ABCA12: variants seen among roughly 807,000 people sequenced by gnomAD.
The protein encoded by ABCA12 is glucosylceramide transporter ABCA12.
Under a neutral mutation model 293.5 loss-of-function variants are expected in ABCA12, and 156 were observed. That is an observed-to-expected ratio of 0.53 (90% CI 0.47 to 0.61). The LOEUF is 0.61. ABCA12 is among the 20% of genes least tolerant of loss of function. The pLI, the probability that ABCA12 is intolerant of heterozygous loss-of-function variation, is 0.00. For missense variants in ABCA12, 2,797 were observed against 3,090.2 expected, an observed-to-expected ratio of 0.91 and a Z score of 2.25; for synonymous variants, 1,063 against 1,108.0, an observed-to-expected ratio of 0.96 and a Z score of 0.81.
chr2:215,054,041 A>G (rs1701371654), intron 4 of ABCA12, among the ~76,000 whole-genome samples: 1 of 152,080 alleles, frequency 6.6e-6, no homozygotes, highest in Admixed American at 6.6e-5. Context: ...AAGCAAGTCC[A>G]CAGTCACACT....
Position 215,031,855 on chromosome 2 carries a change from C to T in ABCA12, c.1027G>A (p.Gly343Arg). 6.2e-7 allele frequency: 1 copy of T among 1,613,940 alleles called. No homozygotes were observed. Among genetic ancestry groups the T allele is most frequent in the Non-Finnish European group, 8.5e-7 (1 of 1,179,942 alleles). The stretch of plus-strand genomic sequence containing the variant: ...AGACTGCTTGGAGATAAGGTCTGTC[C>T]ATCATCCTCATTCCACACATGCGTT... ...NITHVWNEDD[G>R]QTLSPSSLAA... The change falls in exon 9 of 53, where the codon GGA becomes AGA. Residue 343 changes from glycine (G) to arginine (R), a missense_variant. Gly to Arg is a moderately radical substitution (Grantham distance 125). This residue lies in a region of ABCA12 where 656 missense variants were observed against 638.2 expected (regional missense o/e 1.03). Coordinates refer to ENST00000272895, the MANE Select transcript of ABCA12 (RefSeq NM_173076.3).
At chr2:215,116,166 C>T (rs925550994) in intron 1 of ABCA12, among the ~76,000 whole-genome samples, 4 of 152,068 alleles carry the variant, frequency 2.6e-5, no homozygotes, top group African/African-American at 9.7e-5. Context: ...GATAAAAATG[C>T]GTATGTGTAT....
At position 215,007,841 on chromosome 2, in the gene ABCA12, A is replaced by G. The variant is rs1384846722; in HGVS notation, c.2478T>C (p.Asn826=). ...ATTCCGCCAGCTGTCTCAGAGTTACATTGGACTTAATGACAAAGAAACAAA... is the reference window on the plus strand; with the variant it reads ...ATTCCGCCAGCTGTCTCAGAGTTACGTTGGACTTAATGACAAAGAAACAAA... ...PVTKAIMEKS[N]VTLRQLAELR... The change falls in exon 19 of 53, where the codon AAT becomes AAC. Residue 826 remains asparagine, a synonymous_variant. Coordinates refer to ENST00000272895, the MANE Select transcript of ABCA12 (RefSeq NM_173076.3). 2 of 1,613,802 alleles carry G rather than the reference A, an allele frequency of 1.2e-6. No homozygotes were observed. The highest frequency in any genetic ancestry group is 1.7e-6 in the Non-Finnish European group (2 of 1,179,904).
intron 34 of ABCA12, among the ~76,000 whole-genome samples, chr2:214,975,179 G>T (rs907842692): frequency 6.6e-6 from 1 of 152,182 alleles, no homozygotes; most frequent in Admixed American, 6.5e-5. Flanking sequence ...TGGCAGGATG[G>T]TCTCAAACTC....
At chr2:215,135,069 T>A (rs1023384370) in intron 1 of ABCA12, among the ~76,000 whole-genome samples, 1 of 152,006 alleles carries the variant, frequency 6.6e-6, no homozygotes, top group Non-Finnish European at 1.5e-5. Context: ...TTCAAGCGAT[T>A]TTCCTGCCTC....
Position 214,943,016 on chromosome 2 carries a change from T to C in ABCA12, c.7345A>G (p.Met2449Val). Residue 2449 changes from methionine to valine, a missense_variant and splice_region_variant, in exon 50 of 53, where the codon ATG becomes GTG. By Grantham distance (21) the Met-to-Val change is conservative. Transcript: ENST00000272895. ...KCSVILTSHS[M>V]EECEALCTRL... ...GTACAGAGAGCTTCACATTCTTCCA[T>C]GCTAAAAGACAAAGCAGGATCATAT... 1.2e-6 allele frequency: 2 copies of C among 1,612,684 alleles called. No homozygotes were observed. Among genetic ancestry groups the C allele is most frequent in the Non-Finnish European group, 1.7e-6 (2 of 1,179,420 alleles).
chr2:214,940,201 T>C (rs1698351510), intron 50 of ABCA12, among the ~76,000 whole-genome samples: 1 of 152,246 alleles, frequency 6.6e-6, no homozygotes, highest in Admixed American at 6.5e-5. Flanking sequence ...TGAAGGTCTA[T>C]TCTGCATCTA....
At chr2:214,996,775 T>G (rs1022105389) in intron 23 of ABCA12, among the ~76,000 whole-genome samples, 21 of 152,192 alleles carry the variant, frequency 1.4e-4, no homozygotes, top group Non-Finnish European at 2.9e-4. Context: ...TTGTATCTTA[T>G]AGGGAGAAAT....
At position 215,045,613 on chromosome 2, in the gene ABCA12, T is replaced by A. The variant is rs78705632; in HGVS notation, c.872+224A>T. On this transcript the variant is annotated intron_variant, in intron 7 of 52. Coordinates refer to ENST00000272895, the MANE Select transcript of ABCA12 (RefSeq NM_173076.3). Reference sequence around the variant, plus strand: ...CCCAGTAACAATACAACAGTTAGGATCAGTTCCTCGTGGATGCTTCCATAA... The same window carrying A: ...CCCAGTAACAATACAACAGTTAGGAACAGTTCCTCGTGGATGCTTCCATAA... 3.0e-4 allele frequency among the ~76,000 whole-genome samples: 46 copies of A among 152,304 alleles called. No homozygotes were observed. In the East Asian group the frequency reaches 6.9e-3, roughly 23 times the overall value.
At chr2:214,973,118 C>T in intron 36 of ABCA12, among the ~76,000 whole-genome samples, 1 of 152,306 alleles carries the variant, frequency 6.6e-6, no homozygotes, top group East Asian at 1.9e-4. Flanking sequence ...AGCCATCACA[C>T]CTGGCCAAGA....
intron 19 of ABCA12, among the ~76,000 whole-genome samples, chr2:215,007,399 T>C (rs1309992526): frequency 6.6e-6 from 1 of 152,190 alleles, no homozygotes; most frequent in African/African-American, 2.4e-5. Context: ...GAGAGTAATT[T>C]AAAGGAGAGA....
chr2:215,030,603 C>CA (rs56919467), intron 9 of ABCA12, among the ~76,000 whole-genome samples: 73 of 127,334 alleles, frequency 5.7e-4, no homozygotes, highest in African/African-American at 1.8e-3. Context: ...GACTCCATCT[C>CA]AAAAAAAAAA....
chr2:214,956,696 A>G lies in ABCA12; in HGVS notation c.6200T>C (p.Leu2067Pro). ...KLPAFYSENNLGAVSLLLLLF... is the reference protein window; with the variant it reads ...KLPAFYSENNPGAVSLLLLLF... The stretch of plus-strand genomic sequence containing the variant: ...GAGAAGTAGGAGAGATACAGCGCCT[A>G]GGTTGTTTTCACTGTAGAATGCAGG... Residue 2067 changes from leucine (L) to proline (P), a missense_variant, in exon 42 of 53, where the codon CTA (leucine) becomes CCA (proline). Coordinates refer to ENST00000272895, the MANE Select transcript of ABCA12 (RefSeq NM_173076.3). 1.2e-6 allele frequency: 2 copies of G among 1,613,682 alleles called. No individual in the cohort carries two copies. The highest frequency in any genetic ancestry group is 1.7e-6 in the Non-Finnish European group (2 of 1,179,726).
At chr2:215,012,420 A>G (rs766011229) in intron 15 of ABCA12, among the ~76,000 whole-genome samples, 5 of 152,228 alleles carry the variant, frequency 3.3e-5, no homozygotes, top group Non-Finnish European at 7.3e-5. Context: ...CAAAGTATAT[A>G]TTCTTAAAAT....
At chr2:214,934,267 C>T in intron 51 of ABCA12, 52 bp from the exon 52 acceptor site, 1 of 1,599,580 alleles carries the variant, frequency 6.3e-7, no homozygotes, top group African/African-American at 1.3e-5. Flanking sequence ...GTAATGTTGA[C>T]ATGACTAGAC....
At chr2:215,051,936 C>T (rs1701328886) in intron 5 of ABCA12, among the ~76,000 whole-genome samples, 1 of 152,086 alleles carries the variant, frequency 6.6e-6, no homozygotes, top group Non-Finnish European at 1.5e-5. Context: ...ACACATTTAG[C>T]TCACAGGCTG....
intron 2 of ABCA12, chr2:215,082,694 C>T (rs1427246105): frequency 6.6e-6 from 1 of 152,148 alleles, no homozygotes; most frequent in Non-Finnish European, 1.5e-5. Flanking sequence ...GCCTGTGACC[C>T]ACCATTCCAC....
chr2:215,105,877 A>G (rs1213198995), intron 2 of ABCA12, among the ~76,000 whole-genome samples: 2 of 152,306 alleles, frequency 1.3e-5, no homozygotes, highest in Admixed American at 6.5e-5. Context: ...GGATTGGGCA[A>G]TCCACAGCAA....
chr2:215,035,096 C>G (rs546439452), intron 8 of ABCA12, among the ~76,000 whole-genome samples: 1 of 152,270 alleles, frequency 6.6e-6, no homozygotes, highest in South Asian at 2.1e-4. Context: ...GTCACTAGTT[C>G]TGCCTTCAAT....
Sources: allele counts gnomAD v4.1 joint callset (sites outside exome capture counted in the v4.1 genomes callset), GRCh38; gene constraint gnomAD v4.1.1; regional missense constraint gnomAD v4.1.1; transcripts MANE v1.5; gene names NCBI Gene and HGNC (gene_info 2026-07-23, HGNC 2026-07-21).